The following TTC23 variants were observed in gnomAD, a reference collection of about 807,000 sequenced individuals.
The protein encoded by TTC23 is tetratricopeptide repeat domain 23, also known as tetratricopeptide repeat protein 23.
A neutral mutation model predicts 55.1 loss-of-function variants in TTC23; 58 were observed. The ratio of observed to expected loss-of-function variants is 1.05; its 90% confidence interval spans 0.85 to 1.31. The LOEUF (loss-of-function observed/expected upper bound fraction) is 1.31. Among genes scored for constraint, TTC23 ranks in the 50% most tolerant of loss-of-function variants. The pLI is 0.00. For missense variants in TTC23, 516 were observed against 534.4 expected (o/e 0.97, Z 0.34); for synonymous variants, 203 against 199.9 (o/e 1.02, Z -0.13).
At chr15:99,249,851 T>TC (rs2080573355), upstream of TTC23, 1 of 152,208 alleles carries the variant, frequency 6.6e-6, no homozygotes, top group Admixed American at 6.5e-5. Context: ...TGTGAGAACT[T>TC]CAAGAGTGGG....
At chr15:99,155,467 C>G (rs376492890) in intron 12 of TTC23, 1 of 152,030 alleles carries the variant, frequency 6.6e-6, no homozygotes, top group Admixed American at 6.6e-5. Context: ...AAAATAAACA[C>G]GGAAGAATAG....
intron 3 of TTC23, among the ~76,000 whole-genome samples, 176 bp downstream of exon 3, chr15:99,241,189 C>A (rs1247706970): frequency 4.6e-5 from 7 of 152,104 alleles, no homozygotes; most frequent in Non-Finnish European, 8.8e-5. Flanking sequence ...GTGGCACACA[C>A]CTGGTAATCC....
intron 3 of TTC23, among the ~76,000 whole-genome samples, chr15:99,239,999 C>G (rs1021748245): frequency 8.5e-5 from 13 of 152,146 alleles, no homozygotes; most frequent in African/African-American, 1.9e-4. Context: ...TTGGGGGTTT[C>G]CCATGACATC....
intron 5 of TTC23, among the ~76,000 whole-genome samples, chr15:99,222,924 G>A (rs948083320): frequency 6.6e-6 from 1 of 152,200 alleles, no homozygotes; most frequent in African/African-American, 2.4e-5. Context: ...GTGAACCCGG[G>A]AGGCGGAGCT....
chr15:99,226,945 G>A (rs1448278479), intron 5 of TTC23, among the ~76,000 whole-genome samples: 2 of 152,170 alleles, frequency 1.3e-5, no homozygotes, highest in South Asian at 2.1e-4. Context: ...TTGTATGCTG[G>A]ATTCTTCACC....
intron 12 of TTC23, among the ~76,000 whole-genome samples, chr15:99,151,913 A>C (rs547068583): frequency 1.3e-5 from 2 of 152,342 alleles, no homozygotes; most frequent in East Asian, 3.9e-4. Context: ...ATCAAGGCCA[A>C]GACACGTCTC....
At chr15:99,218,503 GA>G in intron 8 of TTC23, 84 bp downstream of exon 8, 1 of 1,567,458 alleles carries the variant, frequency 6.4e-7, no homozygotes, top group Non-Finnish European at 8.7e-7. Flanking sequence ...CAGCCTCATG[GA>G]GATGCTCCTC....
At chr15:99,153,389 T>C (rs1294794425) in intron 12 of TTC23, among the ~76,000 whole-genome samples, 1 of 152,212 alleles carries the variant, frequency 6.6e-6, no homozygotes. Flanking sequence ...CAGATACGTG[T>C]CATCTCATTA....
At chr15:99,199,716 C>T (rs2076044981) in intron 9 of TTC23, among the ~76,000 whole-genome samples, 1 of 152,166 alleles carries the variant, frequency 6.6e-6, no homozygotes, top group Non-Finnish European at 1.5e-5. Flanking sequence ...GTTTGTGCAA[C>T]TACTAACAGG....
At chr15:99,229,893 C>A (rs1424001131) in intron 4 of TTC23, among the ~76,000 whole-genome samples, 3 of 152,048 alleles carry the variant, frequency 2.0e-5, no homozygotes, top group Non-Finnish European at 2.9e-5. Flanking sequence ...CCACACAGAT[C>A]AAAAAAGTAA....
intron 8 of TTC23, among the ~76,000 whole-genome samples, chr15:99,214,390 C>T (rs1049267225): frequency 2.0e-5 from 3 of 151,854 alleles, no homozygotes; most frequent in South Asian, 2.1e-4. Context: ...TGCCTGTAGT[C>T]CCCACTACTC....
intron 12 of TTC23, among the ~76,000 whole-genome samples, chr15:99,145,897 CA>C (rs1436034207): frequency 4.6e-5 from 7 of 152,122 alleles, no homozygotes. Flanking sequence ...GAGGTCCAGC[CA>C]CTGCCACCCG....
intron 9 of TTC23, among the ~76,000 whole-genome samples, chr15:99,199,457 T>C (rs2076021388): frequency 7.0e-6 from 1 of 142,714 alleles, no homozygotes; most frequent in African/African-American, 2.8e-5. Flanking sequence ...AGTGTGTGTG[T>C]TTGTGTGTGT....
At chr15:99,171,564 T>TG (rs1739503918) in intron 10 of TTC23, among the ~76,000 whole-genome samples, 1 of 143,122 alleles carries the variant, frequency 7.0e-6, no homozygotes, top group South Asian at 2.4e-4. Context: ...TCCGTCTTTT[T>TG]TTTTTTTTTT....
intron 8 of TTC23, among the ~76,000 whole-genome samples, chr15:99,217,832 C>T (rs892495860): frequency 6.6e-6 from 1 of 152,148 alleles, no homozygotes; most frequent in Admixed American, 6.6e-5. Context: ...AAAATGATTC[C>T]GTGGGTTCTC....
chr15:99,167,081 C>A (rs1314291107), intron 10 of TTC23, among the ~76,000 whole-genome samples: 1 of 152,064 alleles, frequency 6.6e-6, no homozygotes, highest in African/African-American at 2.4e-5. Context: ...CAAATTGAGT[C>A]CTATTACTAC....
chr15:99,218,040 T>C (rs2077611052), intron 8 of TTC23, among the ~76,000 whole-genome samples: 1 of 152,214 alleles, frequency 6.6e-6, no homozygotes, highest in Non-Finnish European at 1.5e-5. Flanking sequence ...CCCAATACTC[T>C]GAGGAATTGG....
At chr15:99,242,336 A>C (rs1325227149) in intron 2 of TTC23, among the ~76,000 whole-genome samples, 1 of 152,042 alleles carries the variant, frequency 6.6e-6, no homozygotes, top group Non-Finnish European at 1.5e-5. Flanking sequence ...ATAACAAGTA[A>C]AAAAATTAAA....
intron 9 of TTC23, among the ~76,000 whole-genome samples, chr15:99,177,963 T>C (rs2073753587): frequency 6.6e-6 from 1 of 152,110 alleles, no homozygotes; most frequent in African/African-American, 2.4e-5. Flanking sequence ...GAGGATCACT[T>C]GAGCTCAGGA....
Sources: gnomAD v4.1 joint callset for allele counts (sites outside exome capture counted in the v4.1 genomes callset) on GRCh38, gnomAD v4.1.1 for gene constraint, MANE v1.5 for transcripts, NCBI Gene and HGNC (gene_info 2026-07-23, HGNC 2026-07-21) for gene names.